Variants in PCDHA1 observed in about 807,000 individuals in gnomAD.
The protein encoded by PCDHA1 is protocadherin alpha 1, also known as protocadherin alpha-1.
A neutral mutation model predicts 61.3 loss-of-function variants in PCDHA1; 42 were observed. The observed-to-expected ratio is 0.69, with a 90% CI of 0.54 to 0.89. The LOEUF (loss-of-function observed/expected upper bound fraction) is 0.89. PCDHA1 is among the 40% of genes least tolerant of loss of function. The pLI is 0.00. For synonymous variants in PCDHA1, 610 were observed against 553.8 expected (o/e 1.10, Z -1.43); for missense variants, 1,256 against 1,235.3 (o/e 1.02, Z -0.25).
intron 1 of PCDHA1, among the ~76,000 whole-genome samples, chr5:140,923,613 G>GT (rs2081443569): frequency 6.6e-6 from 1 of 152,146 alleles, no homozygotes; most frequent in South Asian, 2.1e-4. Context: ...TGTTTATCTG[G>GT]TCATCTTATC....
intron 1 of PCDHA1, chr5:140,927,689 G>A (rs781972370): frequency 5.6e-6 from 9 of 1,614,064 alleles, no homozygotes; most frequent in African/African-American, 2.7e-5. Flanking sequence ...GGGTCCAATG[G>A]GGAAGTCCAG....
Position 140,978,986 on chromosome 5 carries a change from C to A in PCDHA1, c.2432C>A (p.Ser811Tyr). The change falls in exon 2 of 4, where the codon TCC becomes TAC. Residue 811 changes from serine (S) to tyrosine (Y), a missense_variant. Ser to Tyr is a moderately radical substitution (Grantham distance 144). Coordinates refer to ENST00000504120, the MANE Select transcript of PCDHA1 (RefSeq NM_018900.4). ...AACCCTGACTGGCGTTACTCTGCCT[C>A]CCTGAGAGCAGGCATGCACAGGTAT... ...QPNPDWRYSA[S>Y]LRAGMHSSVH... is the part of the protein sequence containing the mutation. The A allele has an allele frequency of 6.2e-7, 1 of 1,614,190 alleles. No homozygotes were observed. The highest frequency in any genetic ancestry group is 1.7e-5 in the Admixed American group (1 of 60,026).
intron 3 of PCDHA1, among the ~76,000 whole-genome samples, chr5:141,007,087 A>G (rs1554261040): frequency 6.6e-6 from 1 of 152,112 alleles, no homozygotes; most frequent in African/African-American, 2.4e-5. Context: ...AATAGAGAAG[A>G]GAGTCTAGGG....
At chr5:140,911,037 C>A (rs1432446373) in intron 1 of PCDHA1, among the ~76,000 whole-genome samples, 3 of 152,012 alleles carry the variant, frequency 2.0e-5, no homozygotes, top group Non-Finnish European at 4.4e-5. Context: ...GGTCTAGAAG[C>A]AAACAGGGGT....
At position 140,968,456 on chromosome 5, in the gene PCDHA1, A is replaced by G. The variant is rs782476018; in HGVS notation, c.2395-10493A>G. ...GAGCCCACCACTGAGCAGCACTGTG[A>G]CTGCCAACGTATATGTGGTGGACAT... On this transcript the variant is annotated intron_variant, in intron 1 of 3. Transcript: ENST00000504120. 82 of 1,613,964 alleles carry G rather than the reference A, an allele frequency of 5.1e-5. No individual in the cohort carries two copies. Among genetic ancestry groups the G allele is most frequent in the Non-Finnish European group, 6.2e-5 (73 of 1,180,022 alleles).
intron 1 of PCDHA1, among the ~76,000 whole-genome samples, chr5:140,898,000 T>G (rs1420296585): frequency 6.6e-5 from 10 of 152,348 alleles, no homozygotes; most frequent in African/African-American, 2.4e-4. Flanking sequence ...TTGAGAAGTG[T>G]CTGTTCATAT....
chr5:140,971,184 A>C (rs1431296656), intron 1 of PCDHA1, among the ~76,000 whole-genome samples: 1 of 152,188 alleles, frequency 6.6e-6, no homozygotes, highest in African/African-American at 2.4e-5. Context: ...TGTAAGCCGG[A>C]AGCTCAGAGG....
At chr5:140,869,233 T>C in intron 1 of PCDHA1, 1 of 1,613,700 alleles carries the variant, frequency 6.2e-7, no homozygotes, top group Non-Finnish European at 8.5e-7. Context: ...ACACGGCACC[T>C]TCGTGGGCCG....
chr5:140,796,099 T>C (rs1554119699), intron 1 of PCDHA1: 1 of 1,614,238 alleles, frequency 6.2e-7, no homozygotes, highest in East Asian at 2.2e-5. Flanking sequence ...GGATCGCGAC[T>C]CTGGTACGAA....
chr5:140,912,993 T>C (rs186652657), intron 1 of PCDHA1, among the ~76,000 whole-genome samples: 1 of 152,294 alleles, frequency 6.6e-6, no homozygotes, highest in Non-Finnish European at 1.5e-5. Flanking sequence ...TTCAGTTTGC[T>C]AGTATTTTGT....
At chr5:140,830,141 G>C in intron 1 of PCDHA1, 1 of 1,613,398 alleles carries the variant, frequency 6.2e-7, no homozygotes, top group South Asian at 1.1e-5. Flanking sequence ...ACGGGCGTCG[G>C]TGGGCGCCGC....
intron 1 of PCDHA1, chr5:140,875,857 A>C: frequency 6.2e-7 from 1 of 1,614,124 alleles, no homozygotes; most frequent in Non-Finnish European, 8.5e-7. Context: ...CATTAACGAC[A>C]ACCCGCCGGT....
intron 1 of PCDHA1, among the ~76,000 whole-genome samples, chr5:140,911,635 G>A (rs906127782): frequency 2.0e-5 from 3 of 152,148 alleles, no homozygotes; most frequent in African/African-American, 7.2e-5. Flanking sequence ...ATGGTCAAAG[G>A]TATTACATAT....
intron 1 of PCDHA1, among the ~76,000 whole-genome samples, chr5:140,873,178 T>C (rs2054146585): frequency 6.6e-6 from 1 of 152,190 alleles, no homozygotes; most frequent in Non-Finnish European, 1.5e-5. Context: ...TTTTGTATCA[T>C]AATATTCATT....
intron 1 of PCDHA1, chr5:140,851,041 G>A (rs1162904841): frequency 3.6e-6 from 5 of 1,393,834 alleles, no homozygotes; most frequent in Non-Finnish European, 4.7e-6. Context: ...TAACATTGGA[G>A]CCGACTTTGT....
intron 1 of PCDHA1, chr5:140,871,241 C>G (rs782602807): frequency 3.7e-6 from 6 of 1,613,972 alleles, no homozygotes; most frequent in Non-Finnish European, 5.1e-6. Flanking sequence ...CTGGTACTCA[C>G]GCTGCTGCTG....
chr5:140,795,540 G>A (rs1554119483), intron 1 of PCDHA1: 1 of 1,613,988 alleles, frequency 6.2e-7, no homozygotes, highest in African/African-American at 1.3e-5. Context: ...GCGAATCTTT[G>A]TCTCTCGTGC....
At chr5:140,829,714 C>T (rs1316878813) in intron 1 of PCDHA1, 33 of 1,613,426 alleles carry the variant, frequency 2.0e-5, no homozygotes, top group Non-Finnish European at 2.8e-5. Flanking sequence ...GCGACGCGGG[C>T]GTGCCGCCTC....
At chr5:140,885,462 G>T (rs890056404) in intron 1 of PCDHA1, among the ~76,000 whole-genome samples, 3 of 152,070 alleles carry the variant, frequency 2.0e-5, no homozygotes, top group African/African-American at 7.2e-5. Context: ...ACCTAATGAT[G>T]GGCAATCACT....
Sources: gnomAD v4.1 joint callset for allele counts (sites outside exome capture counted in the v4.1 genomes callset) on GRCh38, gnomAD v4.1.1 for gene constraint, MANE v1.5 for transcripts, NCBI Gene and HGNC (gene_info 2026-07-23, HGNC 2026-07-21) for gene names.